Variants in POM121 observed in about 807,000 individuals in gnomAD.
POM121 encodes the protein POM121 transmembrane nucleoporin.
POM121 carries 32 observed loss-of-function variants against 81.3 expected under a neutral mutation model. The ratio of observed to expected loss-of-function variants is 0.39; its 90% CI spans 0.30 to 0.53. The LOEUF is 0.53. Among genes scored for constraint, POM121 ranks in the 20% least tolerant of loss-of-function variants. The pLI, the probability that POM121 is intolerant of heterozygous loss-of-function variation, is 0.66. For missense variants in POM121, 1,138 were observed against 1,614.6 expected, an observed-to-expected ratio of 0.70 and a Z score of 5.06; for synonymous variants, 514 against 694.2, an observed-to-expected ratio of 0.74 and a Z score of 4.08.
intron 10 of POM121, among the ~76,000 whole-genome samples, chr7:72,941,385 GT>G (rs1456839536): frequency 6.6e-6 from 1 of 150,572 alleles, no homozygotes; most frequent in Non-Finnish European, 1.5e-5. Flanking sequence ...GGCTGCTGGT[GT>G]TCCCGGCCCA....
intron 5 of POM121, among the ~76,000 whole-genome samples, chr7:72,936,454 T>G (rs1211987655): frequency 3.3e-5 from 5 of 152,096 alleles, no homozygotes; most frequent in Admixed American, 6.5e-5. Context: ...ATTTTTTGTA[T>G]TTTTAGTAGA....
intron 5 of POM121, among the ~76,000 whole-genome samples, chr7:72,934,387 A>G (rs1796314114): frequency 6.6e-6 from 1 of 152,140 alleles, no homozygotes; most frequent in African/African-American, 2.4e-5. Flanking sequence ...ACCTGGCCCC[A>G]AGTTGTTGTC....
At chr7:72,904,900 A>T (rs1339709140) in intron 3 of POM121, among the ~76,000 whole-genome samples, 1 of 152,176 alleles carries the variant, frequency 6.6e-6, no homozygotes, top group African/African-American at 2.4e-5. Flanking sequence ...GGAAACTGCC[A>T]CTTAAAAACC....
chr7:72,924,106 GT>G (rs11341062), upstream of POM121, among the ~76,000 whole-genome samples: 29 of 144,836 alleles, frequency 2.0e-4, no homozygotes, highest in Admixed American at 4.2e-4. Context: ...GCCCGGCTAA[GT>G]TTTTTTTTTT....
intron 3 of POM121, among the ~76,000 whole-genome samples, chr7:72,899,836 C>T (rs1413814155): frequency 1.1e-4 from 16 of 151,950 alleles, no homozygotes; most frequent in African/African-American, 3.6e-4. Context: ...ACCTCGGCCT[C>T]CCAAAGTGCT....
intron 4 of POM121, among the ~76,000 whole-genome samples, chr7:72,916,257 C>T (rs1235919948): frequency 3.3e-5 from 5 of 152,218 alleles, no homozygotes; most frequent in Admixed American, 2.0e-4. Flanking sequence ...TGCCTATGTC[C>T]TGAATGGTAT....
chr7:72,880,243 A>G (rs1409783281), intron 1 of POM121, among the ~76,000 whole-genome samples: 3 of 151,930 alleles, frequency 2.0e-5, no homozygotes, highest in Non-Finnish European at 4.4e-5. Context: ...ACCCCCTTAT[A>G]TCTGCCCTGG....
intron 3 of POM121, among the ~76,000 whole-genome samples, chr7:72,894,681 G>GAGAGAGAGAGAGAGAGAGAGAT (rs1210955228): frequency 7.3e-6 from 1 of 136,754 alleles, no homozygotes; most frequent in African/African-American, 2.5e-5. Flanking sequence ...GAGAGAGAGA[G>GAGAGAGAGAGAGAGAGAGAGAT]ATCTCCGTCC....
intron 11 of POM121, among the ~76,000 whole-genome samples, chr7:72,943,802 C>T (rs1797383212): frequency 6.6e-6 from 1 of 152,120 alleles, no homozygotes; most frequent in African/African-American, 2.4e-5. Context: ...TTTTGGGAGG[C>T]CAAGGAGGGT....
intron 5 of POM121, among the ~76,000 whole-genome samples, chr7:72,930,783 C>T (rs1214657847): frequency 6.6e-6 from 1 of 151,690 alleles, no homozygotes; most frequent in East Asian, 1.9e-4. Context: ...CTCTTGAGTC[C>T]AGGAGTTCAA....
rs565447357 is a variant in POM121 at position 72,893,119 on chromosome 7, G to A, written c.-216+2009G>A. ...ATTACAGGCGTGCACCATCACGCCCGGCCTATTTTTGTATTTTTAGTAGAG... is the reference window on the plus strand; with the variant it reads ...ATTACAGGCGTGCACCATCACGCCCAGCCTATTTTTGTATTTTTAGTAGAG... On this transcript the variant is annotated intron_variant, in intron 3 of 15. Coordinates refer to the POM121 transcript ENST00000395270. Among the ~76,000 whole-genome samples, 6 of 151,994 alleles carry A rather than the reference G, an allele frequency of 3.9e-5. No individual in the cohort carries two copies. The South Asian group carries it at 1.2e-3, about 32-fold the overall frequency.
At chr7:72,908,384 G>A (rs1793480407) in intron 3 of POM121, among the ~76,000 whole-genome samples, 1 of 152,150 alleles carries the variant, frequency 6.6e-6, no homozygotes, top group Non-Finnish European at 1.5e-5. Flanking sequence ...ACTAGGGTGT[G>A]GGTCACAGAA....
intron 1 of POM121, among the ~76,000 whole-genome samples, chr7:72,883,149 C>G (rs1475201964): frequency 1.3e-5 from 2 of 152,332 alleles, no homozygotes; most frequent in East Asian, 3.9e-4. Context: ...ACACGATCCT[C>G]TTGCCTCAGC....
chr7:72,917,138 T>G (rs1334761148), intron 4 of POM121, among the ~76,000 whole-genome samples: 1 of 152,222 alleles, frequency 6.6e-6, no homozygotes, highest in Non-Finnish European at 1.5e-5. Context: ...AGTACATACA[T>G]TTAGTGACTT....
At chr7:72,949,297 C>G (rs200449002), downstream of POM121, 1,200 of 828,510 alleles carry the variant, frequency 1.4e-3, 27 homozygotes, top group South Asian at 0.013. Context: ...TCAGCCACGC[C>G]TTCTCACCAT....
upstream of POM121, among the ~76,000 whole-genome samples, chr7:72,920,605 T>C (rs1387084476): frequency 2.5e-4 from 38 of 152,234 alleles, no homozygotes; most frequent in Admixed American, 1.4e-3. Context: ...CCGCCCGCCT[T>C]GGCCTCCCAA....
At chr7:72,888,685 T>TGTGTGC (rs1790986812) in intron 1 of POM121, among the ~76,000 whole-genome samples, 1 of 151,828 alleles carries the variant, frequency 6.6e-6, no homozygotes, top group African/African-American at 2.4e-5. Context: ...AGTGTGTGTG[T>TGTGTGC]GTGTGTGTGT....
downstream of POM121, chr7:72,948,883 G>C (rs577052123): frequency 6.2e-7 from 1 of 1,608,722 alleles, no homozygotes; most frequent in Non-Finnish European, 8.5e-7. Context: ...CCTGGCGCAC[G>C]CCCTGTACCT....
At chr7:72,928,899 C>T (rs186645026) in intron 4 of POM121, among the ~76,000 whole-genome samples, 1 of 152,238 alleles carries the variant, frequency 6.6e-6, no homozygotes, top group East Asian at 1.9e-4. Flanking sequence ...TCTGAGTCAG[C>T]AGTGTGATGT....
Sources: gnomAD v4.1 joint callset for allele counts (sites outside exome capture counted in the v4.1 genomes callset) on GRCh38, gnomAD v4.1.1 for gene constraint, MANE v1.5 for transcripts, NCBI Gene and HGNC (gene_info 2026-07-23, HGNC 2026-07-21) for gene names.